The following RALGAPA1 variants were observed in gnomAD, a reference collection of about 807,000 sequenced individuals.
The protein encoded by RALGAPA1 is Ral GTPase activating protein catalytic subunit alpha 1.
In RALGAPA1, 52 loss-of-function variants were observed where a neutral mutation model predicts 269.6. The observed-to-expected ratio is 0.19, with a 90% CI of 0.15 to 0.24. RALGAPA1 has a LOEUF of 0.24. RALGAPA1 is among the 10% of genes least tolerant of loss of function. The pLI, the probability that RALGAPA1 is intolerant of heterozygous loss-of-function variation, is 1.00. For missense variants in RALGAPA1, 1,917 were observed against 3,013.9 expected, an observed-to-expected ratio of 0.64 and a Z score of 8.52; for synonymous variants, 817 against 1,008.3, an observed-to-expected ratio of 0.81 and a Z score of 3.60.
At chr14:35,596,753 C>T (rs10132615) in intron 36 of RALGAPA1, among the ~76,000 whole-genome samples, 52,353 of 151,928 alleles carry the variant, frequency 0.34, 12,483 homozygotes, top group African/African-American at 0.67. Context: ...TAAAAAAGCA[C>T]ACCAAAATTC....
chr14:35,726,782 A>G (rs912750329), intron 13 of RALGAPA1, among the ~76,000 whole-genome samples: 1 of 152,212 alleles, frequency 6.6e-6, no homozygotes, highest in African/African-American at 2.4e-5. Context: ...ACAGAAAGAA[A>G]AAAAAGGACT....
intron 16 of RALGAPA1, among the ~76,000 whole-genome samples, chr14:35,710,396 C>T (rs562919265): frequency 4.6e-5 from 7 of 152,248 alleles, no homozygotes; most frequent in African/African-American, 1.4e-4. Context: ...GCTGGGACAA[C>T]GGGCATGTGC....
At chr14:35,724,025 A>G (rs2069667517) in intron 14 of RALGAPA1, 1 of 152,176 alleles carries the variant, frequency 6.6e-6, no homozygotes. Context: ...GAGTTTAGGT[A>G]CAGAACTATA....
intron 1 of RALGAPA1, among the ~76,000 whole-genome samples, chr14:35,789,599 A>G (rs1275406268): frequency 1.3e-5 from 2 of 151,972 alleles, no homozygotes; most frequent in African/African-American, 4.8e-5. Flanking sequence ...CTCAAAAAAA[A>G]AATCAAATGC....
chr14:35,613,062 A>C (rs1238392785), intron 35 of RALGAPA1, among the ~76,000 whole-genome samples: 1 of 151,696 alleles, frequency 6.6e-6, no homozygotes, highest in African/African-American at 2.4e-5. Flanking sequence ...TAAAAGACCA[A>C]TTTTATTTTA....
At chr14:35,543,002 T>C (rs1005144432) in intron 41 of RALGAPA1, among the ~76,000 whole-genome samples, 1 of 152,226 alleles carries the variant, frequency 6.6e-6, no homozygotes, top group Non-Finnish European at 1.5e-5. Context: ...CTGCTAATTA[T>C]TGGGCAGATA....
chr14:35,679,865 A>T (rs1162756364), intron 21 of RALGAPA1, among the ~76,000 whole-genome samples: 1 of 152,238 alleles, frequency 6.6e-6, no homozygotes, highest in East Asian at 1.9e-4. Context: ...ATAATCATAT[A>T]TCAAATGAGT....
At chr14:35,577,833 C>T (rs2057681662) in intron 37 of RALGAPA1, among the ~76,000 whole-genome samples, 1 of 152,216 alleles carries the variant, frequency 6.6e-6, no homozygotes, top group African/African-American at 2.4e-5. Context: ...TATAATCACT[C>T]AGGATTAAAA....
At chr14:35,653,572 G>T (rs576847213) in intron 30 of RALGAPA1, among the ~76,000 whole-genome samples, 1 of 152,088 alleles carries the variant, frequency 6.6e-6, no homozygotes, top group Non-Finnish European at 1.5e-5. Context: ...AAACCAGTTG[G>T]GTTCTCCTGT....
chr14:35,759,727 T>C (rs760288030), intron 6 of RALGAPA1, among the ~76,000 whole-genome samples: 18 of 151,812 alleles, frequency 1.2e-4, no homozygotes, highest in Middle Eastern at 3.4e-3. Context: ...TTGGCCAACA[T>C]GGCGAAACCC....
chr14:35,561,226 CA>C (rs71124706), intron 39 of RALGAPA1, among the ~76,000 whole-genome samples: 459 of 36,760 alleles, frequency 0.012, 9 homozygotes, highest in East Asian at 0.072. Context: ...AACTCTGTCT[CA>C]AAAAAAAAAA....
chr14:35,739,638 G>A (rs1424541300), intron 11 of RALGAPA1, among the ~76,000 whole-genome samples: 1 of 152,130 alleles, frequency 6.6e-6, no homozygotes, highest in East Asian at 1.9e-4. Context: ...CAACTACTCT[G>A]GTTGCAAAAG....
At chr14:35,786,629 A>C (rs1384936015) in intron 1 of RALGAPA1, among the ~76,000 whole-genome samples, 1 of 152,128 alleles carries the variant, frequency 6.6e-6, no homozygotes, top group Non-Finnish European at 1.5e-5. Flanking sequence ...TCAAAAAAAA[A>C]CAAAAAACAA....
rs185360131 is a variant in RALGAPA1 at position 35,582,423 on chromosome 14, T to C, written c.7210-9705A>G. 1.7e-3 allele frequency among the ~76,000 whole-genome samples: 265 copies of C among 152,346 alleles called. 1 individual carries two copies. Among genetic ancestry groups the C allele is most frequent in the Non-Finnish European group, 2.0e-3 (135 of 68,024 alleles). On this transcript the variant is annotated intron_variant, in intron 37 of 41. Coordinates refer to ENST00000680220, the MANE Select transcript of RALGAPA1 (RefSeq NM_001346249.2). ...CAAACTGAAAATCAACAATTCTTTT[T>C]AGCATCATCAGAGACATGAAGTCAC... is the stretch of plus-strand genomic sequence containing the variant.
chr14:35,572,756 G>A (rs1168441911), intron 37 of RALGAPA1, 38 bp from the exon 38 acceptor site: 3 of 1,504,744 alleles, frequency 2.0e-6, no homozygotes, highest in Non-Finnish European at 9.0e-7. Context: ...TGCTTTAAAA[G>A]CTCTTTGAGT....
At chr14:35,664,600 T>C (rs1287647087) in intron 27 of RALGAPA1, 42 bp downstream of exon 27, 4 of 1,495,516 alleles carry the variant, frequency 2.7e-6, no homozygotes, top group Admixed American at 2.0e-5. Context: ...TTTATGATTA[T>C]AAAATCATTT....
At chr14:35,757,774 T>C (rs2073317199) in intron 6 of RALGAPA1, among the ~76,000 whole-genome samples, 1 of 152,192 alleles carries the variant, frequency 6.6e-6, no homozygotes, top group Non-Finnish European at 1.5e-5. Flanking sequence ...AGCTGAACAA[T>C]TAGTACCTGG....
At chr14:35,699,850 T>TAC (rs1242999112) in intron 17 of RALGAPA1, among the ~76,000 whole-genome samples, 1 of 148,170 alleles carries the variant, frequency 6.7e-6, no homozygotes. Flanking sequence ...AAATGTATAC[T>TAC]ACTACTTCTT....
At chr14:35,603,870 G>A (rs2059429489) in intron 36 of RALGAPA1, among the ~76,000 whole-genome samples, 1 of 152,078 alleles carries the variant, frequency 6.6e-6, no homozygotes, top group Admixed American at 6.6e-5. Context: ...TGGAGATGAA[G>A]ATAGGCTGGC....
Sources: allele counts gnomAD v4.1 joint callset (sites outside exome capture counted in the v4.1 genomes callset), GRCh38; gene constraint gnomAD v4.1.1; transcripts MANE v1.5; gene names NCBI Gene and HGNC (gene_info 2026-07-23, HGNC 2026-07-21).